AGBL4: variants seen among roughly 807,000 people sequenced by gnomAD.
AGBL4 encodes the protein cytosolic carboxypeptidase 6.
In AGBL4, 58 loss-of-function variants were observed where a neutral mutation model predicts 66.4. The observed-to-expected ratio is 0.87, with a 90% CI of 0.71 to 1.09. The LOEUF is 1.09. Ranked by LOEUF, AGBL4 falls within the 50% of genes least tolerant of loss-of-function variation. The probability of loss-of-function intolerance (pLI) is 0.00; values close to 1 mark genes in which losing one functional copy is unlikely to be tolerated. For missense variants in AGBL4, 579 were observed against 631.0 expected, an observed-to-expected ratio of 0.92 and a Z score of 0.88; for synonymous variants, 234 against 222.9, an observed-to-expected ratio of 1.05 and a Z score of -0.44.
At chr1:49,009,700 C>T (rs1489072709) in intron 5 of AGBL4, among the ~76,000 whole-genome samples, 2 of 149,554 alleles carry the variant, frequency 1.3e-5, no homozygotes, top group Non-Finnish European at 3.0e-5. Flanking sequence ...GGGCTTCATC[C>T]CTGGGATGCA....
At chr1:49,390,479 A>T (rs1355850213) in intron 3 of AGBL4, among the ~76,000 whole-genome samples, 1 of 152,242 alleles carries the variant, frequency 6.6e-6, no homozygotes, top group East Asian at 1.9e-4. Context: ...CTAAGGAAGA[A>T]ACTGTGTGTA....
At chr1:49,237,271 TAA>T (rs1407839364) in intron 4 of AGBL4, among the ~76,000 whole-genome samples, 2 of 136,876 alleles carry the variant, frequency 1.5e-5, no homozygotes, top group African/African-American at 2.7e-5. Flanking sequence ...TAAAAAAAAC[TAA>T]AAAAAAAAAC....
At chr1:50,000,811 G>GA (rs1660692018) in intron 1 of AGBL4, among the ~76,000 whole-genome samples, 2 of 152,188 alleles carry the variant, frequency 1.3e-5, no homozygotes, top group South Asian at 4.1e-4. Context: ...CTCAGGAATG[G>GA]AAAACCAAAC....
chr1:49,739,903 C>G (rs929264999), intron 2 of AGBL4, among the ~76,000 whole-genome samples: 1 of 152,116 alleles, frequency 6.6e-6, no homozygotes, highest in Non-Finnish European at 1.5e-5. Flanking sequence ...CTGAAGGAAG[C>G]ACTAAACATG....
At chr1:49,609,962 T>C (rs1645125238) in intron 3 of AGBL4, among the ~76,000 whole-genome samples, 1 of 152,208 alleles carries the variant, frequency 6.6e-6, no homozygotes, top group Admixed American at 6.5e-5. Context: ...TATTTATCTA[T>C]GACCCATTGG....
intron 6 of AGBL4, among the ~76,000 whole-genome samples, chr1:48,678,073 G>A (rs954252001): frequency 1.3e-5 from 2 of 152,158 alleles, no homozygotes; most frequent in Admixed American, 1.3e-4. Context: ...AAGTACCTCG[G>A]GAGCTCTGAT....
At chr1:49,116,004 A>T (rs1040358893) in intron 4 of AGBL4, among the ~76,000 whole-genome samples, 1 of 152,210 alleles carries the variant, frequency 6.6e-6, no homozygotes, top group African/African-American at 2.4e-5. Context: ...CTCTGAGTCC[A>T]AAAGTAATTA....
intron 3 of AGBL4, among the ~76,000 whole-genome samples, chr1:49,312,070 T>C (rs1644950395): frequency 1.3e-5 from 2 of 152,024 alleles, no homozygotes; most frequent in Admixed American, 6.6e-5. Context: ...AATAATAAAA[T>C]GAGACAATTT....
At chr1:49,719,752 T>A (rs1395058540) in intron 2 of AGBL4, among the ~76,000 whole-genome samples, 2 of 152,092 alleles carry the variant, frequency 1.3e-5, no homozygotes, top group Admixed American at 1.3e-4. Flanking sequence ...ATGGGAGGGA[T>A]CTGGTGGGAG....
At chr1:49,888,281 A>AAC (rs140558342) in intron 1 of AGBL4, among the ~76,000 whole-genome samples, 3 of 152,300 alleles carry the variant, frequency 2.0e-5, no homozygotes, top group African/African-American at 7.2e-5. Context: ...AACTTACCAT[A>AAC]ACATTAACAG....
intron 6 of AGBL4, chr1:48,776,545 C>A: frequency 1.6e-6 from 2 of 1,221,240 alleles, no homozygotes; most frequent in Non-Finnish European, 2.1e-6. Flanking sequence ...GGGCCCCCGG[C>A]CCCTCCCGGG....
chr1:48,589,358 T>A (rs997822165), intron 10 of AGBL4, among the ~76,000 whole-genome samples: 4 of 152,190 alleles, frequency 2.6e-5, no homozygotes, highest in Admixed American at 6.5e-5. Context: ...GAGAAATTCA[T>A]CATCTCCACT....
At chr1:49,457,414 T>C (rs1334806720) in intron 3 of AGBL4, among the ~76,000 whole-genome samples, 3 of 151,770 alleles carry the variant, frequency 2.0e-5, no homozygotes, top group African/African-American at 7.2e-5. Context: ...CAGATTGTTT[T>C]TGTTCTTGCT....
chr1:49,558,056 G>T (rs1643945737), intron 3 of AGBL4, among the ~76,000 whole-genome samples: 1 of 151,780 alleles, frequency 6.6e-6, no homozygotes, highest in Non-Finnish European at 1.5e-5. Context: ...ACCTTAAAGG[G>T]AAAAACCCAG....
At chr1:49,498,569 T>C (rs1647829737) in intron 3 of AGBL4, among the ~76,000 whole-genome samples, 1 of 151,670 alleles carries the variant, frequency 6.6e-6, no homozygotes, top group African/African-American at 2.4e-5. Context: ...TTGGAGGACA[T>C]TTTGCTAAGT....
intron 3 of AGBL4, among the ~76,000 whole-genome samples, chr1:49,680,376 C>A (rs1046695173): frequency 6.6e-6 from 1 of 151,744 alleles, no homozygotes; most frequent in Admixed American, 6.6e-5. Flanking sequence ...ATTTTCCTTT[C>A]CTTTTAAGAA....
At chr1:49,087,216 C>T (rs1247260406) in intron 4 of AGBL4, among the ~76,000 whole-genome samples, 1 of 152,072 alleles carries the variant, frequency 6.6e-6, no homozygotes, top group East Asian at 1.9e-4. Context: ...ACTAGTTCTC[C>T]AGCAATGGTT....
At chr1:48,935,271 T>G (rs953109089) in intron 5 of AGBL4, among the ~76,000 whole-genome samples, 1 of 152,148 alleles carries the variant, frequency 6.6e-6, no homozygotes, top group Non-Finnish European at 1.5e-5. Context: ...CCCACTAAAA[T>G]AACATCCTGC....
At chr1:49,849,396 A>C (rs114221040) in intron 2 of AGBL4, among the ~76,000 whole-genome samples, 4 of 78,134 alleles carry the variant, frequency 5.1e-5, no homozygotes, top group African/African-American at 1.7e-4. Context: ...CATCTAATTT[A>C]TTATTATTAT....
Sources: allele counts gnomAD v4.1 joint callset (sites outside exome capture counted in the v4.1 genomes callset), GRCh38; gene constraint gnomAD v4.1.1; transcripts MANE v1.5; gene names NCBI Gene and HGNC (gene_info 2026-07-23, HGNC 2026-07-21).